Variants in CTNNA3 observed in about 807,000 individuals in gnomAD.
CTNNA3 encodes the protein catenin alpha-3.
Under a neutral mutation model 95.7 loss-of-function variants are expected in CTNNA3, and 76 were observed. The ratio of observed to expected loss-of-function variants is 0.79; its 90% CI spans 0.66 to 0.96. The LOEUF (loss-of-function observed/expected upper bound fraction) is 0.96, where lower values mean the gene tolerates loss of function less well. Among genes scored for constraint, CTNNA3 ranks in the 40% least tolerant of loss-of-function variants. CTNNA3 has a pLI of 0.00. For missense variants in CTNNA3, 1,191 were observed against 1,089.8 expected (o/e 1.09, Z -1.31); for synonymous variants, 431 against 374.4 (o/e 1.15, Z -1.74).
chr10:67,017,224 G>A (rs1393274436), intron 7 of CTNNA3, among the ~76,000 whole-genome samples: 2 of 152,120 alleles, frequency 1.3e-5, no homozygotes, highest in African/African-American at 4.8e-5. Flanking sequence ...TTCATTGAGG[G>A]CTATGTTAGA....
chr10:67,618,923 C>G (rs1007323364), intron 2 of CTNNA3, among the ~76,000 whole-genome samples: 1 of 152,126 alleles, frequency 6.6e-6, no homozygotes, highest in Non-Finnish European at 1.5e-5. Flanking sequence ...TCTTTAATGT[C>G]CCAAAGTCCC....
Position 65,988,676 on chromosome 10 carries a change from C to G in CTNNA3, c.2265+16G>C. 2 of 1,599,334 alleles carry G rather than the reference C, an allele frequency of 1.3e-6. No individual in the cohort carries two copies. The highest frequency in any genetic ancestry group is 1.7e-6 in the Non-Finnish European group (2 of 1,167,188). On this transcript the variant is annotated intron_variant, in intron 16 of 17. Coordinates refer to ENST00000433211, the MANE Select transcript of CTNNA3 (RefSeq NM_013266.4). Reference sequence around the variant, plus strand: ...TTAGCATGAACTTTTATGATGTCCACTTGTAAGTAACTCACCTGATTAGCA... The same window carrying G: ...TTAGCATGAACTTTTATGATGTCCAGTTGTAAGTAACTCACCTGATTAGCA...
Position 67,180,461 on chromosome 10 carries a change from C to A in CTNNA3, c.903G>T (p.Glu301Asp). 1 of 1,613,878 alleles carries A rather than the reference C, an allele frequency of 6.2e-7. No homozygotes were observed. Among genetic ancestry groups the A allele is most frequent in the Non-Finnish European group, 8.5e-7 (1 of 1,179,882 alleles). Reference sequence around the variant, plus strand: ...CACTGATAATGGCTTCAAGGCGTTTCTCTAGTGATGGTCGTATTTCCTCCT... The same window carrying A: ...CACTGATAATGGCTTCAAGGCGTTTATCTAGTGATGGTCGTATTTCCTCCT... ...VTEEEIRPSL[E>D]KRLEAIISGA... Residue 301 changes from glutamate to aspartate, a missense_variant, in exon 7 of 18, where the codon GAG becomes GAT. Coordinates refer to ENST00000433211, the MANE Select transcript of CTNNA3 (RefSeq NM_013266.4).
chr10:65,958,368 C>G (rs1161666961), intron 17 of CTNNA3, among the ~76,000 whole-genome samples: 1 of 152,124 alleles, frequency 6.6e-6, no homozygotes, highest in African/African-American at 2.4e-5. Context: ...TATTACCGAT[C>G]ATCTGAAGCC....
intron 7 of CTNNA3, among the ~76,000 whole-genome samples, chr10:66,951,851 G>C (rs1848555313): frequency 1.3e-5 from 2 of 152,192 alleles, no homozygotes; most frequent in African/African-American, 4.8e-5. Context: ...CACCTGGCCT[G>C]ATTAAGTTGT....
intron 9 of CTNNA3, among the ~76,000 whole-genome samples, chr10:66,659,864 C>G (rs926567404): frequency 6.6e-6 from 1 of 152,142 alleles, no homozygotes; most frequent in Non-Finnish European, 1.5e-5. Context: ...AAGCTACCCA[C>G]TTTATGGTAT....
chr10:67,248,706 G>A (rs189756564), intron 5 of CTNNA3, among the ~76,000 whole-genome samples: 1 of 152,282 alleles, frequency 6.6e-6, no homozygotes, highest in Admixed American at 6.5e-5. Flanking sequence ...GGAATTACAG[G>A]CATGAGCCAC....
intron 5 of CTNNA3, among the ~76,000 whole-genome samples, chr10:67,419,012 A>C (rs1242970376): frequency 6.6e-6 from 1 of 152,228 alleles, no homozygotes; most frequent in Non-Finnish European, 1.5e-5. Context: ...TTTACAAAAG[A>C]AAAAACAGTA....
chr10:66,748,965 G>A (rs1246486176), intron 9 of CTNNA3, among the ~76,000 whole-genome samples: 6 of 151,158 alleles, frequency 4.0e-5, no homozygotes, highest in Non-Finnish European at 8.8e-5. Flanking sequence ...CTGAGATCAG[G>A]AGTTCAAGAC....
At chr10:67,386,581 A>C (rs1388467390) in intron 5 of CTNNA3, among the ~76,000 whole-genome samples, 1 of 152,226 alleles carries the variant, frequency 6.6e-6, no homozygotes, top group Non-Finnish European at 1.5e-5. Context: ...AATAGATCCT[A>C]GGGGGAAGTG....
At chr10:67,411,897 T>G (rs1209783642) in intron 5 of CTNNA3, among the ~76,000 whole-genome samples, 1 of 152,130 alleles carries the variant, frequency 6.6e-6, no homozygotes, top group Non-Finnish European at 1.5e-5. Flanking sequence ...GAAATCAATC[T>G]TACCAGCACT....
At chr10:66,086,768 A>G (rs541574052) in intron 14 of CTNNA3, among the ~76,000 whole-genome samples, 8 of 152,122 alleles carry the variant, frequency 5.3e-5, no homozygotes, top group African/African-American at 1.9e-4. Context: ...TCACAACCTC[A>G]TTGTTACTTG....
intron 5 of CTNNA3, among the ~76,000 whole-genome samples, chr10:67,293,974 C>T (rs1359539455): frequency 6.6e-6 from 1 of 152,106 alleles, no homozygotes; most frequent in African/African-American, 2.4e-5. Context: ...CTGCAATAAA[C>T]ATACGATAAA....
At chr10:66,456,207 C>A (rs2093494117) in intron 11 of CTNNA3, among the ~76,000 whole-genome samples, 1 of 151,894 alleles carries the variant, frequency 6.6e-6, no homozygotes, top group East Asian at 1.9e-4. Context: ...TATGGAAATT[C>A]AAAGGAATTA....
intron 13 of CTNNA3, among the ~76,000 whole-genome samples, chr10:66,111,869 G>C (rs1469706565): frequency 2.6e-5 from 4 of 151,808 alleles, no homozygotes; most frequent in African/African-American, 9.7e-5. Context: ...GTTGTTTTTT[G>C]TTAGGCCAAT....
At chr10:66,327,077 T>A (rs943514129) in intron 12 of CTNNA3, among the ~76,000 whole-genome samples, 5 of 152,082 alleles carry the variant, frequency 3.3e-5, no homozygotes, top group Admixed American at 3.3e-4. Flanking sequence ...TTCAGAACTA[T>A]TTTTAGGCCC....
At position 67,154,667 on chromosome 10, in the gene CTNNA3, T is replaced by A. The variant is rs1861222332; in HGVS notation, c.1047+25650A>T. The stretch of plus-strand genomic sequence containing the variant: ...ACACGGCTTTTGCAGAGGTCCCCCT[T>A]TCATTCTTCACCCCTCCAATCCTAT... On this transcript the variant is annotated intron_variant, in intron 7 of 17. Coordinates refer to ENST00000433211, the MANE Select transcript of CTNNA3 (RefSeq NM_013266.4). 2.0e-5 allele frequency among the ~76,000 whole-genome samples: 3 copies of A among 152,276 alleles called. No individual in the cohort carries two copies. The South Asian group carries it at 6.2e-4, about 32-fold the overall frequency.
At chr10:67,093,101 G>A (rs778855020) in intron 7 of CTNNA3, among the ~76,000 whole-genome samples, 1 of 151,928 alleles carries the variant, frequency 6.6e-6, no homozygotes, top group Non-Finnish European at 1.5e-5. Context: ...CAGGAGTTTA[G>A]CAGGGTAAAT....
chr10:66,610,975 C>CA (rs562962325), intron 10 of CTNNA3, among the ~76,000 whole-genome samples: 4 of 151,872 alleles, frequency 2.6e-5, no homozygotes, highest in African/African-American at 4.8e-5. Flanking sequence ...TATTCAGCCA[C>CA]AAAAAAATGA....
Sources: gnomAD v4.1 joint callset for allele counts (sites outside exome capture counted in the v4.1 genomes callset) on GRCh38, gnomAD v4.1.1 for gene constraint, MANE v1.5 for transcripts, NCBI Gene and HGNC (gene_info 2026-07-23, HGNC 2026-07-21) for gene names.